LHFPL3: variants seen among roughly 807,000 people sequenced by gnomAD.
LHFPL3 encodes the protein LHFPL tetraspan subfamily member 3 protein.
In LHFPL3, 5 loss-of-function variants were observed where a neutral mutation model predicts 19.3. That is an observed-to-expected ratio of 0.26 (90% CI 0.14 to 0.54). The LOEUF is 0.54. Among genes scored for constraint, LHFPL3 ranks in the 20% least tolerant of loss-of-function variants. The pLI, the probability that LHFPL3 is intolerant of heterozygous loss-of-function variation, is 0.94. For synonymous variants in LHFPL3, 133 were observed against 126.2 expected, an observed-to-expected ratio of 1.05 and a Z score of -0.36; for missense variants, 249 against 307.4, an observed-to-expected ratio of 0.81 and a Z score of 1.42.
chr7:104,713,185 A>G (rs567129824), intron 1 of LHFPL3, among the ~76,000 whole-genome samples: 3 of 152,326 alleles, frequency 2.0e-5, no homozygotes, highest in African/African-American at 7.2e-5. Flanking sequence ...GCAAATAGGT[A>G]CTAATATTCT....
chr7:104,754,581 G>A (rs890994358), intron 2 of LHFPL3, among the ~76,000 whole-genome samples: 2 of 152,214 alleles, frequency 1.3e-5, no homozygotes. Flanking sequence ...GTGCCATAGT[G>A]AGGTTTAAAA....
At chr7:104,422,721 GT>G (rs1291758109) in intron 1 of LHFPL3, among the ~76,000 whole-genome samples, 1 of 152,134 alleles carries the variant, frequency 6.6e-6, no homozygotes, top group African/African-American at 2.4e-5. Flanking sequence ...TTTATAAATG[GT>G]TAAGATAAAA....
At chr7:104,470,907 A>G (rs1792894791) in intron 1 of LHFPL3, among the ~76,000 whole-genome samples, 1 of 151,986 alleles carries the variant, frequency 6.6e-6, no homozygotes, top group Admixed American at 6.6e-5. Context: ...TGCAACCTAC[A>G]TATCACATCC....
At chr7:104,816,777 G>A (rs1327499805) in intron 2 of LHFPL3, among the ~76,000 whole-genome samples, 3 of 152,232 alleles carry the variant, frequency 2.0e-5, no homozygotes, top group African/African-American at 4.8e-5. Context: ...TTGCCCAGGT[G>A]TGGAACCATC....
chr7:104,608,537 C>T (rs554870982), intron 1 of LHFPL3, among the ~76,000 whole-genome samples: 1,697 of 150,316 alleles, frequency 0.011, 31 homozygotes, highest in African/African-American at 0.039. Context: ...AGGAGATATA[C>T]CTAATGCTAA....
intron 2 of LHFPL3, chr7:104,785,198 C>G (rs1326943401): frequency 6.6e-6 from 1 of 152,090 alleles, no homozygotes; most frequent in East Asian, 1.9e-4. Flanking sequence ...CCTTCATTCC[C>G]TCCCCCTCTT....
chr7:104,782,401 G>A lies in LHFPL3; in HGVS notation c.682+45490G>A, dbSNP rs143422774. Among the ~76,000 whole-genome samples the A allele has an allele frequency of 4.3e-3, 653 of 152,262 alleles. 4 individuals are homozygous for A. Among genetic ancestry groups the A allele is most frequent in the African/African-American group, 0.014 (593 of 41,548 alleles). ...TGATCAACTATTCATAAGCTCATCC[G>A]GATTCAAGGGTAGTAAATATAGACC... is the stretch of plus-strand genomic sequence containing the variant. On this transcript the variant is annotated intron_variant, in intron 2 of 2. Transcript: ENST00000424859.
At chr7:104,422,656 C>A (rs1302747216) in intron 1 of LHFPL3, among the ~76,000 whole-genome samples, 1 of 152,202 alleles carries the variant, frequency 6.6e-6, no homozygotes, top group Non-Finnish European at 1.5e-5. Context: ...GTTACTTTAT[C>A]TCTCTGAGCA....
chr7:104,412,263 T>C (rs151159332), intron 1 of LHFPL3, among the ~76,000 whole-genome samples: 5 of 152,248 alleles, frequency 3.3e-5, no homozygotes, highest in Non-Finnish European at 5.9e-5. Context: ...ATTTTTCAGA[T>C]GAGGAGGCTG....
chr7:104,637,852 T>G (rs967801020), intron 1 of LHFPL3, among the ~76,000 whole-genome samples: 2 of 151,284 alleles, frequency 1.3e-5, no homozygotes, highest in African/African-American at 4.8e-5. Flanking sequence ...TTTAGCTTTT[T>G]TTTTCTTGGT....
At chr7:104,874,405 T>TG (rs1562822084) in intron 2 of LHFPL3, among the ~76,000 whole-genome samples, 66 of 141,198 alleles carry the variant, frequency 4.7e-4, no homozygotes, top group East Asian at 2.9e-3. Context: ...TTTTTTTTTT[T>TG]TGGGGGGGGG....
chr7:104,574,579 G>A (rs539934593), intron 1 of LHFPL3, among the ~76,000 whole-genome samples: 2 of 152,270 alleles, frequency 1.3e-5, no homozygotes, highest in African/African-American at 4.8e-5. Context: ...CTAGAGAGAT[G>A]TCCTCTAGAA....
chr7:104,669,149 C>T (rs910524519), intron 1 of LHFPL3: 13 of 1,613,334 alleles, frequency 8.1e-6, no homozygotes, highest in Non-Finnish European at 1.1e-5. Context: ...CCTGATCAGC[C>T]CCTAAAGGTA....
chr7:104,424,983 T>TAAAAAAAAAAAAAAAAAAAAAAAAA (rs71153196), intron 1 of LHFPL3, among the ~76,000 whole-genome samples: 6 of 65,186 alleles, frequency 9.2e-5, no homozygotes, highest in African/African-American at 3.9e-4. Context: ...CTCCATCTCA[T>TAAAAAAAAAAAAAAAAAAAAAAAAA]AAAAAAAAAA....
intron 1 of LHFPL3, among the ~76,000 whole-genome samples, chr7:104,426,851 A>G (rs1429228983): frequency 1.3e-5 from 2 of 152,184 alleles, no homozygotes; most frequent in Non-Finnish European, 2.9e-5. Context: ...ATAATTGTCA[A>G]CTGTAGTCTT....
At chr7:104,580,154 A>T (rs1227796455) in intron 1 of LHFPL3, among the ~76,000 whole-genome samples, 1 of 152,176 alleles carries the variant, frequency 6.6e-6, no homozygotes, top group Admixed American at 6.6e-5. Context: ...AATTTCTGAG[A>T]ATGTTTTCAT....
chr7:104,460,358 A>G (rs950394816), intron 1 of LHFPL3, among the ~76,000 whole-genome samples: 2 of 152,090 alleles, frequency 1.3e-5, no homozygotes, highest in African/African-American at 4.8e-5. Context: ...TCCTTTGGGT[A>G]TATATTCAGT....
chr7:104,608,612 A>G (rs1005988286), intron 1 of LHFPL3, among the ~76,000 whole-genome samples: 1 of 151,906 alleles, frequency 6.6e-6, no homozygotes, highest in African/African-American at 2.4e-5. Flanking sequence ...AAACCTGCAC[A>G]TTGTGCACAT....
chr7:104,515,316 C>G (rs963491682), intron 1 of LHFPL3, among the ~76,000 whole-genome samples: 5 of 152,132 alleles, frequency 3.3e-5, no homozygotes. Flanking sequence ...GTTTAATATT[C>G]TGCACTAAAA....
Sources: allele counts gnomAD v4.1 joint callset (sites outside exome capture counted in the v4.1 genomes callset), GRCh38; gene constraint gnomAD v4.1.1; transcripts MANE v1.5; gene names NCBI Gene and HGNC (gene_info 2026-07-23, HGNC 2026-07-21).